The following ILDR2 variants were observed in gnomAD, a reference collection of about 807,000 sequenced individuals.
ILDR2 encodes the protein immunoglobulin-like domain-containing receptor 2.
In ILDR2, 25 loss-of-function variants were observed where a neutral mutation model predicts 66.8. The observed-to-expected ratio is 0.37, with a 90% CI of 0.27 to 0.52. The LOEUF is 0.52. ILDR2 is among the 20% of genes least tolerant of loss of function. The pLI is 0.88. For missense variants in ILDR2, 827 were observed against 876.8 expected (o/e 0.94, Z 0.72); for synonymous variants, 367 against 357.2 (o/e 1.03, Z -0.31).
intron 9 of ILDR2, 94 bp from the exon 10 acceptor site, chr1:166,919,484 C>A: frequency 1.8e-6 from 2 of 1,139,044 alleles, no homozygotes; most frequent in Non-Finnish European, 2.5e-6. Context: ...GTCCACAACC[C>A]GTTCAGTGCC....
intron 7 of ILDR2, among the ~76,000 whole-genome samples, chr1:166,923,109 T>C (rs1300479330): frequency 2.6e-5 from 4 of 152,250 alleles, no homozygotes; most frequent in Non-Finnish European, 5.9e-5. Context: ...AGGATCTCTG[T>C]TGCTGGCCTC....
intron 1 of ILDR2, among the ~76,000 whole-genome samples, chr1:166,968,376 C>T (rs1472812665): frequency 6.6e-6 from 1 of 152,100 alleles, no homozygotes; most frequent in Non-Finnish European, 1.5e-5. Flanking sequence ...GAAGCTTCTT[C>T]CTGTTCTTAC....
chr1:166,962,902 T>C (rs1249454651), intron 1 of ILDR2, among the ~76,000 whole-genome samples: 1 of 152,182 alleles, frequency 6.6e-6, no homozygotes, highest in East Asian at 1.9e-4. Context: ...AAATCTGATT[T>C]ACTCCCAAGG....
chr1:166,954,146 C>T (rs1662140285), intron 3 of ILDR2, among the ~76,000 whole-genome samples: 1 of 152,282 alleles, frequency 6.6e-6, no homozygotes, highest in African/African-American at 2.4e-5. Context: ...AATGACTGAG[C>T]CAGTGGTTCA....
chr1:166,935,982 G>A (rs1449923762), intron 5 of ILDR2, among the ~76,000 whole-genome samples: 2 of 152,220 alleles, frequency 1.3e-5, no homozygotes, highest in Non-Finnish European at 2.9e-5. Context: ...TATTCCTGAA[G>A]ACACTAAAGA....
At chr1:166,901,922 G>A (rs997023657) in intron 2 of ILDR2, among the ~76,000 whole-genome samples, 9 of 152,200 alleles carry the variant, frequency 5.9e-5, no homozygotes, top group Non-Finnish European at 1.2e-4. Context: ...GTGCAGTGGC[G>A]TGATCTCGGC....
At chr1:166,971,495 C>T (rs994353864) in intron 1 of ILDR2, among the ~76,000 whole-genome samples, 1 of 152,200 alleles carries the variant, frequency 6.6e-6, no homozygotes, top group African/African-American at 2.4e-5. Flanking sequence ...AGGTCTCACT[C>T]TGTCACCCAG....
rs201912020 is a variant in ILDR2 at position 166,957,868 on chromosome 1, A to C, written c.280T>G (p.Leu94Val). ...ACTCGAACAGTCCTCCTGCTGTCCAAACAATCCAAGTAGGGGTCCCATTCC... is the reference window on the plus strand; with the variant it reads ...ACTCGAACAGTCCTCCTGCTGTCCACACAATCCAAGTAGGGGTCCCATTCC... Reference protein sequence around the residue: ...NLEWDPYLDCLDSRRTVRVVA... With the variant: ...NLEWDPYLDCVDSRRTVRVVA... The change falls in exon 2 of 10, where the codon TTG (leucine) becomes GTG (valine). Residue 94 changes from leucine to valine, a missense_variant. By Grantham distance (32) the Leu-to-Val change is conservative. Around this residue, in one of 2 missense-constraint regions of ILDR2, gnomAD observed 437 missense variants for 523.2 expected, o/e 0.84. Transcript: ENST00000271417. 3 of 1,614,156 alleles carry C rather than the reference A, an allele frequency of 1.9e-6. No homozygotes were observed. The African/African-American group carries it at 4.0e-5, about 22-fold the overall frequency.
intron 1 of ILDR2, among the ~76,000 whole-genome samples, chr1:166,972,103 T>C (rs1206794712): frequency 6.6e-6 from 1 of 151,884 alleles, no homozygotes; most frequent in Non-Finnish European, 1.5e-5. Context: ...TCCCAGCTAC[T>C]TGGGAGGCTG....
chr1:166,939,592 G>A (rs766889430), intron 3 of ILDR2, 22 bp from the exon 4 acceptor site: 1 of 1,611,930 alleles, frequency 6.2e-7, no homozygotes, highest in African/African-American at 1.3e-5. Context: ...GGAAGGAAAA[G>A]AAGAAGGAAA....
chr1:166,920,874 T>A lies in ILDR2; in HGVS notation c.1717A>T (p.Thr573Ser). The change falls in exon 9 of 10, where the codon ACC becomes TCC. Residue 573 changes from threonine to serine, a missense_variant. By Grantham distance (58) the Thr-to-Ser change is moderately conservative. This residue lies in a region of ILDR2 where 390 missense variants were observed against 353.6 expected (regional missense o/e 1.10). Coordinates refer to ENST00000271417, the MANE Select transcript of ILDR2 (RefSeq NM_199351.3). ...TCCTGCGACGAGCCGGCCTTGTAGG[T>A]GCCGGGCGGCGACCAAGCGTAGTAG... ...ASYYAWSPPG[T>S]YKAGSSQDDQ... is the part of the protein sequence containing the mutation. The A allele has an allele frequency of 6.7e-7, 1 of 1,495,778 alleles. No individual in the cohort carries two copies. Among genetic ancestry groups the A allele is most frequent in the Middle Eastern group, 1.8e-4 (1 of 5,598 alleles). The allele number at this position is 1,495,778 out of a possible 1,614,324, so 92.7% of individuals were successfully genotyped here.
intron 1 of ILDR2, 68 bp downstream of exon 1, chr1:166,975,155 G>T: frequency 2.3e-6 from 3 of 1,315,390 alleles, no homozygotes; most frequent in Admixed American, 3.4e-5. Flanking sequence ...GGGGCGGGGG[G>T]CGCGGTGAGA....
rs1355575934 is a variant in ILDR2, at chr1:166,936,325, A to G, written c.703+266T>C. Among the ~76,000 whole-genome samples the G allele has an allele frequency of 1.3e-5, 2 of 152,184 alleles. No homozygotes were observed. The highest frequency in any genetic ancestry group is 4.8e-5 in the African/African-American group (2 of 41,446). ...CTCACCACGCCAAACCTGCCCTTCCATTTTATCAATAGTGTCCATGAGAAT... is the reference window on the plus strand; with the variant it reads ...CTCACCACGCCAAACCTGCCCTTCCGTTTTATCAATAGTGTCCATGAGAAT... On this transcript the variant is annotated intron_variant, in intron 5 of 9. Coordinates refer to ENST00000271417, the MANE Select transcript of ILDR2 (RefSeq NM_199351.3). This position sits in a 1 kb window ranked among gnomAD's most constrained non-coding sequence, Gnocchi z 5.0.
In ILDR2 at chr1:166,920,926, G is replaced by A. The variant is rs771354414; in HGVS notation, c.1665C>T (p.Ser555=). 17 of 1,478,500 alleles carry A rather than the reference G, an allele frequency of 1.1e-5. No homozygotes were observed. The highest frequency in any genetic ancestry group is 1.5e-5 in the African/African-American group (1 of 68,644). 91.6% of individuals were successfully genotyped at this position (1,478,500 alleles called of 1,614,324 possible). A position where few individuals can be genotyped will look rare whatever the true frequency, so the allele number is the denominator to read the frequency against. Residue 555 remains serine (S), a synonymous_variant, in exon 9 of 10, where the codon AGC becomes AGT. Transcript: ENST00000271417. ...AGGCGCTGCGCGGGCCGAGCTGCGC[G>A]CTCCGCTTGGATGGCGTCTCCAGGC... The part of the protein sequence containing the change: ...GGSLETPSKR[S]AQLGPRSASY...
chr1:166,967,981 A>C (rs183889819), intron 1 of ILDR2, among the ~76,000 whole-genome samples: 5 of 152,220 alleles, frequency 3.3e-5, no homozygotes, highest in Admixed American at 1.3e-4. Flanking sequence ...GTGTCTCGCC[A>C]TGCTTTCTGC....
intron 2 of ILDR2, among the ~76,000 whole-genome samples, chr1:166,896,711 C>T (rs1033943821): frequency 9.3e-5 from 14 of 150,890 alleles, no homozygotes; most frequent in African/African-American, 3.4e-4. Flanking sequence ...TTTTGGCTCA[C>T]TGCAACCTCC....
At chr1:166,929,497 C>T (rs1201656978) in intron 6 of ILDR2, among the ~76,000 whole-genome samples, 1 of 152,180 alleles carries the variant, frequency 6.6e-6, no homozygotes, top group Non-Finnish European at 1.5e-5. Flanking sequence ...GTGCCTAAAA[C>T]CATGCTTTAC....
At chr1:166,923,059 GT>G (rs1434664491) in intron 7 of ILDR2, among the ~76,000 whole-genome samples, 1 of 152,210 alleles carries the variant, frequency 6.6e-6, no homozygotes, top group African/African-American at 2.4e-5. Flanking sequence ...AGGAGAACAA[GT>G]TTGTTATTGT....
chr1:166,972,727 TAGAG>T (rs1557962744), intron 1 of ILDR2, among the ~76,000 whole-genome samples: 1 of 150,146 alleles, frequency 6.7e-6, no homozygotes, highest in Admixed American at 6.6e-5. Context: ...GGAGGAGAAA[TAGAG>T]AGGGAGTGGG....
Sources: gnomAD v4.1 joint callset for allele counts (sites outside exome capture counted in the v4.1 genomes callset) on GRCh38, gnomAD v4.1.1 for gene constraint, gnomAD v4.1.1 regional missense constraint, Gnocchi (gnomAD v3.1) non-coding constraint, MANE v1.5 for transcripts, NCBI Gene and HGNC (gene_info 2026-07-23, HGNC 2026-07-21) for gene names.